Variants in OSBPL5 observed in about 807,000 individuals in gnomAD.
The protein encoded by OSBPL5 is oxysterol-binding protein-related protein 5.
OSBPL5 carries 71 observed loss-of-function variants against 111.2 expected under a neutral mutation model. The ratio of observed to expected loss-of-function variants is 0.64; its 90% CI spans 0.53 to 0.78. OSBPL5 has a LOEUF of 0.78. Among genes scored for constraint, OSBPL5 ranks in the 30% least tolerant of loss-of-function variants. The pLI, the probability that OSBPL5 is intolerant of heterozygous loss-of-function variation, is 0.00. For missense variants in OSBPL5, 1,210 were observed against 1,189.3 expected (o/e 1.02, Z -0.26); for synonymous variants, 549 against 513.9 (o/e 1.07, Z -0.93).
rs1048332382 is a variant in OSBPL5, at chr11:3,088,063, C to T, written c.*142G>A. The T allele has an allele frequency of 8.9e-6, 7 of 782,678 alleles. No homozygotes were observed. In the South Asian group the frequency reaches 1.5e-4, roughly 17 times the overall value. 48.5% of individuals were successfully genotyped at this position (782,678 alleles called of 1,614,324 possible). A position where few individuals can be genotyped will look rare whatever the true frequency, so the allele number is the denominator to read the frequency against. ...CACCTGGGCCCGCAGCGCCTTGTGG[C>T]CCCGGGTCCCTCCTGCGCCTGGACT... On this transcript the variant is annotated 3_prime_UTR_variant, in exon 22 of 22. Transcript: ENST00000263650.
At chr11:3,129,603 GGT>G (rs1028179611) in intron 1 of OSBPL5, among the ~76,000 whole-genome samples, 69 of 152,314 alleles carry the variant, frequency 4.5e-4, no homozygotes, top group African/African-American at 1.2e-3. Flanking sequence ...GATGCACGGG[GGT>G]GAGACCAGGT....
rs1858396431 is a variant in OSBPL5, at chr11:3,121,078, T to TTTTTGA, written c.403-455_403-454insTCAAAA. Among the ~76,000 whole-genome samples, 1 of 150,736 alleles carries TTTTTGA rather than the reference T, an allele frequency of 6.6e-6. No homozygotes were observed. Among genetic ancestry groups the TTTTTGA allele is most frequent in the Non-Finnish European group, 1.5e-5 (1 of 67,694 alleles). ...TGTAGATTCTTTTTTTTTTTTTTTTTGAGACAGAGTCTCTGTTGCCCAGGC... is the reference window on the plus strand; with the variant it reads ...TGTAGATTCTTTTTTTTTTTTTTTTTTTTTGAGAGACAGAGTCTCTGTTGCCCAGGC... On this transcript the variant is annotated intron_variant, in intron 5 of 21. Coordinates refer to ENST00000263650, the MANE Select transcript of OSBPL5 (RefSeq NM_020896.4). The surrounding 1 kb of genome is among the most constrained non-coding windows in gnomAD (Gnocchi z 4.3).
intron 1 of OSBPL5, among the ~76,000 whole-genome samples, chr11:3,150,756 T>C (rs1197811854): frequency 6.6e-6 from 1 of 152,104 alleles, no homozygotes; most frequent in East Asian, 1.9e-4. Context: ...GCCTCACTAT[T>C]CTCATCTGTG....
In OSBPL5 at chr11:3,106,663, C is replaced by T. The variant is rs1441179394; in HGVS notation, c.1059+600G>A. On this transcript the variant is annotated intron_variant, in intron 9 of 21. Transcript: ENST00000263650. The surrounding 1 kb of genome is among the most constrained non-coding windows in gnomAD (Gnocchi z 8.4). Reference sequence around the variant, plus strand: ...GCTGGTGGTCCTTCTTCTTGGAACGCCATCCTCCCTCCCGTCACTCACGTC... The same window carrying T: ...GCTGGTGGTCCTTCTTCTTGGAACGTCATCCTCCCTCCCGTCACTCACGTC... 6.6e-6 allele frequency among the ~76,000 whole-genome samples: 1 copy of T among 152,184 alleles called. No homozygotes were observed. The highest frequency in any genetic ancestry group is 1.5e-5 in the Non-Finnish European group (1 of 68,020).
intron 14 of OSBPL5, among the ~76,000 whole-genome samples, chr11:3,095,310 C>CAAA (rs60973769): frequency 2.0e-4 from 21 of 105,676 alleles, no homozygotes; most frequent in African/African-American, 5.9e-4. Flanking sequence ...GACTCTGTCT[C>CAAA]AAAAAAAAAA....
At chr11:3,103,142 G>T (rs1360799895) in intron 11 of OSBPL5, 97 bp downstream of exon 11, 3 of 1,057,810 alleles carry the variant, frequency 2.8e-6, no homozygotes, top group Non-Finnish European at 4.1e-6. Context: ...GTGGGGTAGG[G>T]GGTGGCCCGG....
chr11:3,155,729 C>G (rs1410715899), intron 1 of OSBPL5, among the ~76,000 whole-genome samples: 2 of 152,274 alleles, frequency 1.3e-5, no homozygotes, highest in African/African-American at 4.8e-5. Flanking sequence ...GCAGCAGCCA[C>G]TACGCCGACA....
At chr11:3,119,136 A>G (rs1172153074) in intron 7 of OSBPL5, among the ~76,000 whole-genome samples, 2 of 151,756 alleles carry the variant, frequency 1.3e-5, no homozygotes, top group African/African-American at 4.8e-5. Flanking sequence ...CAGTCTCCCG[A>G]GTAGCTGGGA....
At chr11:3,103,353 T>C (rs1449044211) in intron 10 of OSBPL5, 33 bp from the exon 11 acceptor site, 8 of 1,568,696 alleles carry the variant, frequency 5.1e-6, no homozygotes. Flanking sequence ...TGACCCCAGC[T>C]CCGGGGGCCG....
intron 12 of OSBPL5, 67 bp downstream of exon 12, chr11:3,102,116 C>T: frequency 6.7e-7 from 1 of 1,492,110 alleles, no homozygotes; most frequent in Non-Finnish European, 9.1e-7. Flanking sequence ...TGCCAGGGCC[C>T]CGCCCCCACA....
At chr11:3,100,095 T>C in intron 14 of OSBPL5, 63 bp downstream of exon 14, 1 of 1,460,868 alleles carries the variant, frequency 6.8e-7, no homozygotes, top group Non-Finnish European at 9.5e-7. Flanking sequence ...CAAAGGGTTT[T>C]AGCATCTAGC....
Position 3,107,500 on chromosome 11 carries a change from C to T in OSBPL5, c.867-45G>A. The T allele has an allele frequency of 8.8e-6, 14 of 1,598,176 alleles. No homozygotes were observed. Among genetic ancestry groups the T allele is most frequent in the Non-Finnish European group, 1.2e-5 (14 of 1,168,064 alleles). ...AGTGGGTCCCTGTCACAGGTGAGAG[C>T]CCAGCACAGCCCTCTGGGCTGCCCA... On this transcript the variant is annotated intron_variant, in intron 8 of 21. Transcript: ENST00000263650. This position sits in a 1 kb window ranked among gnomAD's most constrained non-coding sequence, Gnocchi z 6.1.
rs746909522 is a variant in OSBPL5 at position 3,090,638 on chromosome 11, T to G, written c.2318A>C (p.Gln773Pro). The part of the protein sequence containing the change: ...KASDQPSGHS[Q>P]ATESSGSTPE... ...CGTGGATCCGCTGCTCTCCGTGGCC[T>G]GGCTGTGGCCGGAGGGCTGGTCGCT... Residue 773 changes from glutamine (Q) to proline (P), a missense_variant, in exon 20 of 22, where the codon CAG becomes CCG. Transcript: ENST00000263650. The G allele has an allele frequency of 1.2e-6, 2 of 1,612,856 alleles. No homozygotes were observed. The highest frequency in any genetic ancestry group is 1.7e-6 in the Non-Finnish European group (2 of 1,179,936).
Position 3,090,670 on chromosome 11 carries a change from G to A in OSBPL5, c.2286C>T (p.Arg762=), listed in dbSNP as rs754229261. 2 of 1,611,680 alleles carry A rather than the reference G, an allele frequency of 1.2e-6. No homozygotes were observed. Among genetic ancestry groups the A allele is most frequent in the Non-Finnish European group, 1.7e-6 (2 of 1,179,700 alleles). ...HERSGPDQRL[R]KASDQPSGHS... ...GGCCGGAGGGCTGGTCGCTGGCCTT[G>A]CGAAGCCGCTGGTCTGGGCCAGACC... The change falls in exon 20 of 22, where the codon CGC becomes CGT. Residue 762 remains arginine, a synonymous_variant. Transcript: ENST00000263650.
At chr11:3,120,279 T>C in intron 6 of OSBPL5, 142 bp downstream of exon 6, 1 of 998,136 alleles carries the variant, frequency 1.0e-6, no homozygotes, top group Non-Finnish European at 1.5e-6. Flanking sequence ...TGGCCGCATG[T>C]GGGGCTCAGA....
rs752605357 is a variant in OSBPL5, at chr11:3,120,562, G to T, written c.465C>A (p.Leu155=). 3 of 1,613,208 alleles carry T rather than the reference G, an allele frequency of 1.9e-6. No individual in the cohort carries two copies. The highest frequency in any genetic ancestry group is 1.7e-6 in the Non-Finnish European group (2 of 1,180,044). ...GGCCCACCTTGGGCGTCTTGTAGAT[G>T]AGCAGCACCCCCGGCTTCAGCACGC... ...LWCVLKPGVL[L]IYKTPKVGQW... Residue 155 remains leucine (L), a synonymous_variant, in exon 6 of 22, where the codon CTC becomes CTA. Coordinates refer to ENST00000263650, the MANE Select transcript of OSBPL5 (RefSeq NM_020896.4).
At chr11:3,147,206 T>A (rs1846385915) in intron 1 of OSBPL5, among the ~76,000 whole-genome samples, 1 of 152,064 alleles carries the variant, frequency 6.6e-6, no homozygotes, top group Non-Finnish European at 1.5e-5. Flanking sequence ...TGCTCCAGAG[T>A]CAGGGGCTAG....
intron 14 of OSBPL5, among the ~76,000 whole-genome samples, chr11:3,096,987 A>AGGAGGAGAG (rs1857282545): frequency 1.4e-5 from 1 of 72,566 alleles, no homozygotes. Context: ...GGAAGGTGGG[A>AGGAGGAGAG]GGAGGAGAAG....
At chr11:3,160,263 T>C (rs982670622) in intron 1 of OSBPL5, among the ~76,000 whole-genome samples, 11 of 152,234 alleles carry the variant, frequency 7.2e-5, no homozygotes, top group African/African-American at 2.6e-4. Context: ...CTCCCTAAAG[T>C]GCTCCCCTCC....
Sources: allele counts gnomAD v4.1 joint callset (sites outside exome capture counted in the v4.1 genomes callset), GRCh38; gene constraint gnomAD v4.1.1; non-coding constraint Gnocchi (gnomAD v3.1); transcripts MANE v1.5; gene names NCBI Gene and HGNC (gene_info 2026-07-23, HGNC 2026-07-21).